The following IFRD1 variants were observed in gnomAD, a reference collection of about 807,000 sequenced individuals.
The protein encoded by IFRD1 is interferon-related developmental regulator 1.
IFRD1 carries 35 observed loss-of-function variants against 52.9 expected under a neutral mutation model. The ratio of observed to expected loss-of-function variants is 0.66; its 90% CI spans 0.51 to 0.88. IFRD1 has a LOEUF of 0.88. Among genes scored for constraint, IFRD1 ranks in the 40% least tolerant of loss-of-function variants. The pLI is 0.00. For missense variants in IFRD1, 517 were observed against 550.8 expected (o/e 0.94, Z 0.61); for synonymous variants, 184 against 188.4 (o/e 0.98, Z 0.19).
At position 112,450,526 on chromosome 7, in the gene IFRD1, G is replaced by C; in HGVS notation, c.-163G>C. Reference sequence around the variant, plus strand: ...ATCACAGCTCTTCACGGGGATTTCTGCTGCCGCCACCGCCCACTCTTACCC... The same window carrying C: ...ATCACAGCTCTTCACGGGGATTTCTCCTGCCGCCACCGCCCACTCTTACCC... On this transcript the variant is annotated 5_prime_UTR_variant, in exon 1 of 12. Coordinates refer to ENST00000403825, the MANE Select transcript of IFRD1 (RefSeq NM_001550.4). 1 of 657,236 alleles carries C rather than the reference G, an allele frequency of 1.5e-6. No homozygotes were observed. The highest frequency in any genetic ancestry group is 1.7e-5 in the South Asian group (1 of 59,608). 40.7% of individuals were successfully genotyped at this position (657,236 alleles called of 1,614,324 possible).
In IFRD1 at chr7:112,455,460, G is replaced by C. The variant is rs1038700114; in HGVS notation, c.95-303G>C. On this transcript the variant is annotated intron_variant, in intron 1 of 11. Coordinates refer to ENST00000403825, the MANE Select transcript of IFRD1 (RefSeq NM_001550.4). ...AGATTGTGCCACTGCACTGCAGCCA[G>C]GGCGACAGGGAGGCTCTGTCTCAAA... 3.3e-5 allele frequency among the ~76,000 whole-genome samples: 5 copies of C among 151,900 alleles called. No homozygotes were observed. In the East Asian group the frequency reaches 9.9e-4, roughly 30 times the overall value.
chr7:112,441,513 C>T (rs1407891315), intron 1 of IFRD1, among the ~76,000 whole-genome samples: 1 of 152,050 alleles, frequency 6.6e-6, no homozygotes, highest in African/African-American at 2.4e-5. Context: ...GGTAGTTCTG[C>T]CTACCTGGAA....
intron 8 of IFRD1, among the ~76,000 whole-genome samples, chr7:112,462,945 C>T (rs974911242): frequency 2.6e-5 from 4 of 152,150 alleles, no homozygotes; most frequent in African/African-American, 9.7e-5. Flanking sequence ...TTTGATCAGT[C>T]GACCCAATTT....
chr7:112,427,335 G>A (rs1237820788), intron 1 of IFRD1, among the ~76,000 whole-genome samples: 2 of 152,220 alleles, frequency 1.3e-5, no homozygotes, highest in African/African-American at 4.8e-5. Context: ...TTGGGGGAAA[G>A]TTCAAACCAT....
At chr7:112,447,221 C>T (rs748767307), upstream of IFRD1, among the ~76,000 whole-genome samples, 5 of 152,194 alleles carry the variant, frequency 3.3e-5, no homozygotes, top group Non-Finnish European at 5.9e-5. Context: ...ATTTTTGCAA[C>T]ATTTGAGTAT....
At chr7:112,436,730 A>G (rs534113453) in intron 1 of IFRD1, among the ~76,000 whole-genome samples, 1 of 152,306 alleles carries the variant, frequency 6.6e-6, no homozygotes, top group East Asian at 1.9e-4. Context: ...TGTGTATTAT[A>G]GTATACAACC....
intron 1 of IFRD1, among the ~76,000 whole-genome samples, chr7:112,443,924 C>T (rs1442469114): frequency 6.9e-6 from 1 of 144,076 alleles, no homozygotes; most frequent in African/African-American, 2.6e-5. Context: ...AAAACAAAAA[C>T]AAAAAAACAA....
rs1440341263 is a variant in IFRD1, at chr7:112,456,887, C to T, written c.285-27C>T. On this transcript the variant is annotated intron_variant, in intron 3 of 11. Coordinates refer to ENST00000403825, the MANE Select transcript of IFRD1 (RefSeq NM_001550.4). ...TTATTGTATACTCCAACTGGATCTT[C>T]TTTCTCTTACATTGGGTGTTAAATA... 3.7e-6 allele frequency: 6 copies of T among 1,611,298 alleles called. No homozygotes were observed. In the African/African-American group the frequency reaches 5.3e-5, roughly 14 times the overall value.
intron 9 of IFRD1, among the ~76,000 whole-genome samples, chr7:112,469,592 T>C (rs921607262): frequency 2.0e-5 from 3 of 152,166 alleles, no homozygotes; most frequent in African/African-American, 7.2e-5. Context: ...AAAGATATGA[T>C]GACATGTCCT....
intron 5 of IFRD1, chr7:112,461,479 C>A (rs1795430952): frequency 6.3e-6 from 1 of 157,630 alleles, no homozygotes; most frequent in African/African-American, 2.4e-5. Flanking sequence ...GGATAGTTCA[C>A]CCTTTCAGAA....
intron 1 of IFRD1, among the ~76,000 whole-genome samples, chr7:112,454,853 A>G (rs989398585): frequency 1.5e-5 from 2 of 130,170 alleles, no homozygotes; most frequent in East Asian, 2.2e-4. Context: ...TCATCTTCAT[A>G]TCAGTTTTTT....
In IFRD1 at chr7:112,450,697, G is replaced by C. The variant is rs1484684233; in HGVS notation, c.9G>C (p.Lys3Asn). 1 of 1,612,760 alleles carries C rather than the reference G, an allele frequency of 6.2e-7. No individual in the cohort carries two copies. The highest frequency in any genetic ancestry group is 8.5e-7 in the Non-Finnish European group (1 of 1,179,848). The change falls in exon 1 of 12, where the codon AAG becomes AAC. Residue 3 changes from lysine (K) to asparagine (N), a missense_variant. Lys to Asn is a moderately conservative substitution (Grantham distance 94). Transcript: ENST00000403825. ...GCACCGGGCGTCCCACGATGCCGAA[G>C]AACAAGAAGCGGAACACTCCCCACC... MP[K>N]NKKRNTPHRG...
chr7:112,438,318 T>C (rs189475745), intron 1 of IFRD1, among the ~76,000 whole-genome samples: 65 of 152,260 alleles, frequency 4.3e-4, no homozygotes, highest in Middle Eastern at 3.4e-3. Context: ...ACTACCTCAT[T>C]TAAAAGCAAA....
chr7:112,442,862 G>T (rs1460262609), intron 1 of IFRD1, among the ~76,000 whole-genome samples: 1 of 152,200 alleles, frequency 6.6e-6, no homozygotes, highest in Non-Finnish European at 1.5e-5. Context: ...CTGTTGGAAT[G>T]AGCTTCCCTG....
At chr7:112,444,525 C>T (rs192121588) in intron 1 of IFRD1, among the ~76,000 whole-genome samples, 110 of 152,152 alleles carry the variant, frequency 7.2e-4, no homozygotes, top group Middle Eastern at 3.4e-3. Context: ...AGTGATAATC[C>T]ATGTAAAAAA....
At chr7:112,436,957 C>T (rs1373013180) in intron 1 of IFRD1, among the ~76,000 whole-genome samples, 1 of 152,034 alleles carries the variant, frequency 6.6e-6, no homozygotes, top group African/African-American at 2.4e-5. Context: ...GGAGATTAAG[C>T]TGAATAGGTG....
At chr7:112,466,141 C>A (rs1463852315) in intron 8 of IFRD1, among the ~76,000 whole-genome samples, 5 of 151,826 alleles carry the variant, frequency 3.3e-5, no homozygotes, top group African/African-American at 4.8e-5. Context: ...TTATTTGTCC[C>A]AGAGTGGTAC....
Position 112,450,554 on chromosome 7 carries a change from G to A in IFRD1, c.-135G>A, listed in dbSNP as rs946266896. ...GCCGCCACCGCCCACTCTTACCCCCGCCGCTTCTCGACTCTGTTGTTAGCC... is the reference window on the plus strand; with the variant it reads ...GCCGCCACCGCCCACTCTTACCCCCACCGCTTCTCGACTCTGTTGTTAGCC... On this transcript the variant is annotated 5_prime_UTR_variant, in exon 1 of 12. Coordinates refer to ENST00000403825, the MANE Select transcript of IFRD1 (RefSeq NM_001550.4). The A allele has an allele frequency of 1.4e-6, 1 of 707,670 alleles. No homozygotes were observed. Among genetic ancestry groups the A allele is most frequent in the Middle Eastern group, 3.6e-4 (1 of 2,770 alleles). 43.8% of individuals were successfully genotyped at this position (707,670 alleles called of 1,614,324 possible). A position where few individuals can be genotyped will look rare whatever the true frequency, so the allele number is the denominator to read the frequency against.
rs375319263 is a variant in IFRD1 at position 112,462,411 on chromosome 7, T to C, written c.906+33T>C. ...TCTAACTGGCAGAGGAAAAAGCTTG[T>C]GTCACAAGGCCCATTGTTCCATCAT... On this transcript the variant is annotated intron_variant, in intron 8 of 11. Transcript: ENST00000403825. The C allele has an allele frequency of 2.1e-6, 3 of 1,415,256 alleles. No individual in the cohort carries two copies. In the African/African-American group the frequency reaches 4.2e-5, roughly 20 times the overall value. The allele number at this position is 1,415,256 out of a possible 1,614,324, so 87.7% of individuals were successfully genotyped here. A position where few individuals can be genotyped will look rare whatever the true frequency, so the allele number is the denominator to read the frequency against.
Sources: gnomAD v4.1 joint callset for allele counts (sites outside exome capture counted in the v4.1 genomes callset) on GRCh38, gnomAD v4.1.1 for gene constraint, MANE v1.5 for transcripts, NCBI Gene and HGNC (gene_info 2026-07-23, HGNC 2026-07-21) for gene names.